The following SPATA6 variants were observed in gnomAD, a reference collection of about 807,000 sequenced individuals.
The protein encoded by SPATA6 is spermatogenesis-associated protein 6.
In SPATA6, 56 loss-of-function variants were observed where a neutral mutation model predicts 65.3. That is an observed-to-expected ratio of 0.86 (90% CI 0.69 to 1.07). SPATA6 has a LOEUF of 1.07. Ranked by LOEUF, SPATA6 falls within the 50% of genes least tolerant of loss-of-function variation. SPATA6 has a pLI of 0.00. For synonymous variants in SPATA6, 199 were observed against 213.2 expected (o/e 0.93, Z 0.58); for missense variants, 590 against 594.8 (o/e 0.99, Z 0.08).
At chr1:48,332,272 A>G (rs1645938116) in intron 11 of SPATA6, among the ~76,000 whole-genome samples, 1 of 152,168 alleles carries the variant, frequency 6.6e-6, no homozygotes, top group Non-Finnish European at 1.5e-5. Context: ...GCCCCAATTA[A>G]AACGCACAAA....
At chr1:48,368,099 T>C (rs1046003605) in intron 9 of SPATA6, among the ~76,000 whole-genome samples, 21 of 152,196 alleles carry the variant, frequency 1.4e-4, no homozygotes, top group Non-Finnish European at 2.8e-4. Context: ...AAAATTCTTT[T>C]CTTTAAGAAT....
downstream of SPATA6, among the ~76,000 whole-genome samples, chr1:48,293,874 T>C (rs897892245): frequency 6.6e-6 from 1 of 152,240 alleles, no homozygotes; most frequent in African/African-American, 2.4e-5. Context: ...CTCTGGGTTA[T>C]CACTCAATGT....
chr1:48,350,594 A>G (rs577201657), intron 11 of SPATA6, among the ~76,000 whole-genome samples: 1 of 152,002 alleles, frequency 6.6e-6, no homozygotes, highest in South Asian at 2.1e-4. Flanking sequence ...AGGGGCTTTT[A>G]AAAAAAATCT....
intron 9 of SPATA6, among the ~76,000 whole-genome samples, chr1:48,376,958 G>A (rs1324496091): frequency 1.3e-5 from 2 of 152,132 alleles, no homozygotes; most frequent in Admixed American, 1.3e-4. Context: ...TGCCATATTT[G>A]TGGTCCATCG....
intron 11 of SPATA6, chr1:48,325,473 G>A: frequency 1.7e-6 from 2 of 1,196,204 alleles, no homozygotes; most frequent in Non-Finnish European, 2.5e-6. Context: ...TCGACAAACT[G>A]AGGGATCCAC....
At chr1:48,289,883 C>T in the SPATA6 span, among the ~76,000 whole-genome samples, 1 of 152,138 alleles carries the variant, frequency 6.6e-6, no homozygotes, top group Non-Finnish European at 1.5e-5. Context: ...CACTGGTGTA[C>T]CTGAAAGTGA....
chr1:48,409,492 G>T (rs965536959), intron 5 of SPATA6, among the ~76,000 whole-genome samples: 5 of 152,218 alleles, frequency 3.3e-5, no homozygotes, highest in Admixed American at 2.0e-4. Context: ...GAGAATGGTG[G>T]CCCTCTTCTC....
the SPATA6 span, among the ~76,000 whole-genome samples, chr1:48,269,126 A>G: frequency 5.9e-5 from 9 of 152,166 alleles, no homozygotes; most frequent in Admixed American, 6.5e-5. Flanking sequence ...ATATCTGAAC[A>G]CAGTAATTTG....
chr1:48,395,006 T>C (rs561661604), intron 8 of SPATA6, among the ~76,000 whole-genome samples: 1 of 152,132 alleles, frequency 6.6e-6, no homozygotes, highest in South Asian at 2.1e-4. Context: ...TACTAGAATA[T>C]ATCACATTTT....
chr1:48,282,087 G>A, the SPATA6 span, among the ~76,000 whole-genome samples: 1 of 152,168 alleles, frequency 6.6e-6, no homozygotes, highest in South Asian at 2.1e-4. Flanking sequence ...ATGGGGAAAG[G>A]ATTCCCTATT....
chr1:48,364,912 T>C (rs1276828553), intron 9 of SPATA6, among the ~76,000 whole-genome samples: 1 of 152,244 alleles, frequency 6.6e-6, no homozygotes, highest in African/African-American at 2.4e-5. Context: ...GGTTTTCTTC[T>C]AGGGTTTTTA....
chr1:48,363,550 A>G (rs1166414233), intron 9 of SPATA6, among the ~76,000 whole-genome samples: 1 of 152,172 alleles, frequency 6.6e-6, no homozygotes, highest in Non-Finnish European at 1.5e-5. Context: ...CTTGGCTCAT[A>G]AAGATAATTT....
chr1:48,424,841 A>G (rs75848076), intron 3 of SPATA6, among the ~76,000 whole-genome samples: 2,219 of 152,236 alleles, frequency 0.015, 24 homozygotes, highest in Non-Finnish European at 0.023. Flanking sequence ...AGATTATTAG[A>G]TATTTTCCTA....
chr1:48,308,743 A>C (rs993068434), intron 11 of SPATA6, among the ~76,000 whole-genome samples: 2 of 152,128 alleles, frequency 1.3e-5, no homozygotes, highest in Non-Finnish European at 1.5e-5. Context: ...TTTTCAGTAC[A>C]TTGAATATAT....
downstream of SPATA6, among the ~76,000 whole-genome samples, chr1:48,294,396 G>T (rs189167415): frequency 6.6e-6 from 1 of 152,166 alleles, no homozygotes; most frequent in Admixed American, 6.5e-5. Context: ...ATTTTTAAAA[G>T]GGCTGCCCTC....
At chr1:48,365,528 T>TG (rs1393028388) in intron 9 of SPATA6, among the ~76,000 whole-genome samples, 2 of 152,202 alleles carry the variant, frequency 1.3e-5, no homozygotes, top group Non-Finnish European at 2.9e-5. Context: ...CCTTGTAAGT[T>TG]GGATTCCTAG....
At chr1:48,409,836 C>T (rs1399071383) in intron 5 of SPATA6, among the ~76,000 whole-genome samples, 2 of 152,230 alleles carry the variant, frequency 1.3e-5, no homozygotes, top group South Asian at 2.1e-4. Flanking sequence ...AGTCCCTAGG[C>T]TGCACACAGC....
intron 3 of SPATA6, among the ~76,000 whole-genome samples, chr1:48,433,289 T>C (rs1262442002): frequency 6.6e-6 from 1 of 152,128 alleles, no homozygotes; most frequent in African/African-American, 2.4e-5. Context: ...TAAATTTCAT[T>C]ATGTATGTTT....
Position 48,298,626 on chromosome 1 carries a change from T to A in SPATA6, c.*87A>T, listed in dbSNP as rs560432471. 4.4e-4 allele frequency: 582 copies of A among 1,316,286 alleles called. 2 individuals are homozygous for A. In the East Asian group the frequency reaches 9.1e-3, roughly 21 times the overall value. 81.5% of individuals were successfully genotyped at this position (1,316,286 alleles called of 1,614,324 possible). A position where few individuals can be genotyped will look rare whatever the true frequency, so the allele number is the denominator to read the frequency against. The stretch of plus-strand genomic sequence containing the variant: ...TACTTAGTTATAATCCCATTTTTTT[T>A]AAAAAAAGGAATACAGATATTGATC... On this transcript the variant is annotated 3_prime_UTR_variant, in exon 13 of 13. Coordinates refer to ENST00000371847, the MANE Select transcript of SPATA6 (RefSeq NM_019073.4).
Sources: gnomAD v4.1 joint callset for allele counts (sites outside exome capture counted in the v4.1 genomes callset) on GRCh38, gnomAD v4.1.1 for gene constraint, MANE v1.5 for transcripts, NCBI Gene and HGNC (gene_info 2026-07-23, HGNC 2026-07-21) for gene names.